ADGB: variants seen among roughly 807,000 people sequenced by gnomAD.
ADGB encodes calpain-7-like protein.
ADGB carries 172 observed loss-of-function variants against 210.5 expected under a neutral mutation model. The observed-to-expected ratio is 0.82, with a 90% CI of 0.72 to 0.93. ADGB has a LOEUF of 0.93. Among genes scored for constraint, ADGB ranks in the 40% least tolerant of loss-of-function variants. The pLI, the probability that ADGB is intolerant of heterozygous loss-of-function variation, is 0.00. For synonymous variants in ADGB, 658 were observed against 662.7 expected, an observed-to-expected ratio of 0.99 and a Z score of 0.11; for missense variants, 2,025 against 1,964.8, an observed-to-expected ratio of 1.03 and a Z score of -0.58.
In ADGB at chr6:146,706,482, T is replaced by A. The variant is rs148136753; in HGVS notation, c.1707+5412T>A. Among the ~76,000 whole-genome samples the A allele has an allele frequency of 1.1e-3, 173 of 151,874 alleles. 1 individual carries two copies. In the East Asian group the frequency reaches 0.032, roughly 28 times the overall value. On this transcript the variant is annotated intron_variant, in intron 13 of 35. Transcript: ENST00000397944. ...ACCATGTTGGCCAGGATGGTTTTGA[T>A]CTCCTGACCTCGTCATCCACCTGCC... is the stretch of plus-strand genomic sequence containing the variant.
intron 27 of ADGB, among the ~76,000 whole-genome samples, chr6:146,761,081 G>T (rs756516553): frequency 5.3e-5 from 8 of 151,866 alleles, no homozygotes; most frequent in African/African-American, 1.2e-4. Context: ...AACTTTAGAA[G>T]AGCAAAAGCT....
chr6:146,671,120 T>C (rs1259883133), intron 7 of ADGB, among the ~76,000 whole-genome samples: 4 of 152,170 alleles, frequency 2.6e-5, no homozygotes, highest in Non-Finnish European at 5.9e-5. Flanking sequence ...AGGATCTAGA[T>C]AGATAGGCCT....
At chr6:146,814,460 G>C (rs534536396) in intron 35 of ADGB, among the ~76,000 whole-genome samples, 28 of 152,302 alleles carry the variant, frequency 1.8e-4, no homozygotes, top group African/African-American at 6.3e-4. Context: ...CAGGAGGAGA[G>C]AGTGCAGTTA....
chr6:146,600,553 G>A (rs1448529373), intron 1 of ADGB, among the ~76,000 whole-genome samples: 1 of 152,070 alleles, frequency 6.6e-6, no homozygotes, highest in African/African-American at 2.4e-5. Context: ...ATTTTCTCCT[G>A]TTAGCTTCTT....
chr6:146,655,749 G>A (rs946769847), intron 4 of ADGB, among the ~76,000 whole-genome samples: 5 of 151,918 alleles, frequency 3.3e-5, no homozygotes, highest in African/African-American at 1.2e-4. Flanking sequence ...CATTTTTCAA[G>A]GGAAGGAAAG....
At chr6:146,764,272 C>T (rs1399577705) in intron 28 of ADGB, among the ~76,000 whole-genome samples, 172 bp downstream of exon 28, 1 of 152,084 alleles carries the variant, frequency 6.6e-6, no homozygotes, top group Non-Finnish European at 1.5e-5. Flanking sequence ...TCTTTAAATA[C>T]ATCTTGGCAC....
At chr6:146,629,456 G>A (rs949915475) in intron 1 of ADGB, among the ~76,000 whole-genome samples, 2 of 152,158 alleles carry the variant, frequency 1.3e-5, no homozygotes, top group Non-Finnish European at 2.9e-5. Context: ...TATTTGATGC[G>A]TTACAAGGAA....
intron 35 of ADGB, among the ~76,000 whole-genome samples, chr6:146,808,856 C>T (rs1422210598): frequency 1.2e-5 from 1 of 82,350 alleles, no homozygotes; most frequent in Non-Finnish European, 2.2e-5. Flanking sequence ...TCATACCCAA[C>T]ACCAGGTCGT....
chr6:146,752,826 T>G, intron 27 of ADGB, 112 bp downstream of exon 27: 1 of 971,338 alleles, frequency 1.0e-6, no homozygotes, highest in Non-Finnish European at 1.4e-6. Flanking sequence ...ATTATGAAAC[T>G]TCATAGTACA....
chr6:146,622,242 T>G (rs1034820571), intron 1 of ADGB, among the ~76,000 whole-genome samples: 1 of 152,164 alleles, frequency 6.6e-6, no homozygotes, highest in African/African-American at 2.4e-5. Context: ...AGCCATTATT[T>G]TCTCACAATT....
chr6:146,758,771 A>G (rs1777446424), intron 27 of ADGB, among the ~76,000 whole-genome samples: 1 of 152,006 alleles, frequency 6.6e-6, no homozygotes, highest in African/African-American at 2.4e-5. Flanking sequence ...TTGAATATAT[A>G]GATACTATAA....
At chr6:146,627,082 T>TA (rs1308805308) in intron 1 of ADGB, among the ~76,000 whole-genome samples, 7 of 152,232 alleles carry the variant, frequency 4.6e-5, no homozygotes, top group African/African-American at 1.4e-4. Context: ...AATCTTTTTT[T>TA]ATCTTCCTTG....
chr6:146,815,204 G>A lies in ADGB; in HGVS notation c.4991G>A (p.Gly1664Glu). The part of the protein sequence containing the change: ...PAPDTQKKKK[G>E]KKK ...CCTGACACACAGAAAAAAAAGAAAG[G>A]AAAGAAAAAGTAACCAGGGGATGTC... The change falls in exon 36 of 36, where the codon GGA becomes GAA. Residue 1664 changes from glycine (G) to glutamate (E), a missense_variant. Coordinates refer to ENST00000397944, the MANE Select transcript of ADGB (RefSeq NM_024694.4). 1 of 1,504,098 alleles carries A rather than the reference G, an allele frequency of 6.6e-7. No individual in the cohort carries two copies. The highest frequency in any genetic ancestry group is 8.8e-7 in the Non-Finnish European group (1 of 1,133,814). 93.2% of individuals were successfully genotyped at this position (1,504,098 alleles called of 1,614,324 possible). A position where few individuals can be genotyped will look rare whatever the true frequency, so the allele number is the denominator to read the frequency against.
At chr6:146,608,183 C>T (rs1021959746) in intron 1 of ADGB, among the ~76,000 whole-genome samples, 3 of 151,848 alleles carry the variant, frequency 2.0e-5, no homozygotes, top group African/African-American at 7.3e-5. Flanking sequence ...AGTTTGTTTG[C>T]ATAGAGCTGT....
intron 29 of ADGB, among the ~76,000 whole-genome samples, chr6:146,773,759 T>C (rs1777686671): frequency 6.6e-6 from 1 of 152,230 alleles, no homozygotes; most frequent in Non-Finnish European, 1.5e-5. Flanking sequence ...GTAAGCTCTT[T>C]AGATACTCTA....
chr6:146,664,415 A>C, intron 6 of ADGB, 75 bp downstream of exon 6: 1 of 1,372,918 alleles, frequency 7.3e-7, no homozygotes, highest in Non-Finnish European at 9.6e-7. Flanking sequence ...GTATTGCATA[A>C]TTTATTTTTT....
At chr6:146,624,448 T>C (rs1320875864) in intron 1 of ADGB, among the ~76,000 whole-genome samples, 1 of 151,862 alleles carries the variant, frequency 6.6e-6, no homozygotes, top group Non-Finnish European at 1.5e-5. Flanking sequence ...ATATTGATAG[T>C]TGTGTTTTCT....
At chr6:146,672,672 T>A (rs1776026315) in intron 8 of ADGB, among the ~76,000 whole-genome samples, 1 of 151,672 alleles carries the variant, frequency 6.6e-6, no homozygotes, top group African/African-American at 2.4e-5. Context: ...AGTTACAGAG[T>A]AGGGCATCTT....
At chr6:146,693,900 G>T (rs1482173583) in intron 12 of ADGB, among the ~76,000 whole-genome samples, 1 of 152,038 alleles carries the variant, frequency 6.6e-6, no homozygotes, top group Non-Finnish European at 1.5e-5. Context: ...CCAATAACAT[G>T]TTCCTAATTT....
Sources: allele counts gnomAD v4.1 joint callset (sites outside exome capture counted in the v4.1 genomes callset), GRCh38; gene constraint gnomAD v4.1.1; transcripts MANE v1.5; gene names NCBI Gene and HGNC (gene_info 2026-07-23, HGNC 2026-07-21).